The following MTHFD2L variants were observed in gnomAD, a reference collection of about 807,000 sequenced individuals.
MTHFD2L encodes the protein bifunctional methylenetetrahydrofolate dehydrogenase/cyclohydrolase 2, mitochondrial.
Under a neutral mutation model 34.9 loss-of-function variants are expected in MTHFD2L, and 29 were observed. That is an observed-to-expected ratio of 0.83 (90% CI 0.62 to 1.13). The LOEUF (loss-of-function observed/expected upper bound fraction) is 1.13, where lower values mean the gene tolerates loss of function less well. MTHFD2L is among the 50% of genes most tolerant of loss of function. The pLI, the probability that MTHFD2L is intolerant of heterozygous loss-of-function variation, is 0.00. For synonymous variants in MTHFD2L, 167 were observed against 155.7 expected (o/e 1.07, Z -0.54); for missense variants, 481 against 446.5 (o/e 1.08, Z -0.70).
At chr4:74,166,586 T>C (rs1726755752) in intron 1 of MTHFD2L, among the ~76,000 whole-genome samples, 1 of 152,244 alleles carries the variant, frequency 6.6e-6, no homozygotes, top group Non-Finnish European at 1.5e-5. Flanking sequence ...GTTTGTTGAA[T>C]ATGTTGATTA....
At chr4:74,214,939 C>T (rs1052110649) in intron 5 of MTHFD2L, among the ~76,000 whole-genome samples, 1 of 151,804 alleles carries the variant, frequency 6.6e-6, no homozygotes, top group Non-Finnish European at 1.5e-5. Context: ...AGTCTGGCTA[C>T]AGCAGCTTTG....
chr4:74,262,140 A>G (rs971876759), intron 6 of MTHFD2L, among the ~76,000 whole-genome samples: 43 of 151,960 alleles, frequency 2.8e-4, no homozygotes, highest in African/African-American at 9.9e-4. Context: ...ACTGGGGAAA[A>G]ACTAAATACT....
intron 3 of MTHFD2L, among the ~76,000 whole-genome samples, chr4:74,177,636 G>C (rs780352783): frequency 1.4e-4 from 22 of 151,870 alleles, no homozygotes; most frequent in Non-Finnish European, 2.9e-4. Flanking sequence ...AGGAACCCTT[G>C]CTCACTGCTG....
At chr4:74,165,193 A>C (rs768985276) in intron 1 of MTHFD2L, 11 of 159,932 alleles carry the variant, frequency 6.9e-5, no homozygotes, top group Non-Finnish European at 1.3e-4. Flanking sequence ...ACATTTTAAA[A>C]GATAATTTAT....
chr4:74,236,779 T>C (rs962394095), intron 6 of MTHFD2L, among the ~76,000 whole-genome samples: 8 of 152,266 alleles, frequency 5.3e-5, no homozygotes, highest in African/African-American at 1.9e-4. Flanking sequence ...TTTTTGGATA[T>C]GTCCCATGAA....
intron 1 of MTHFD2L, among the ~76,000 whole-genome samples, chr4:74,138,929 T>G (rs945126508): frequency 1.3e-5 from 2 of 152,192 alleles, no homozygotes; most frequent in Admixed American, 6.5e-5. Context: ...GCCTAATTTG[T>G]ATTTTAGTGA....
At chr4:74,263,780 T>G (rs1744968299) in intron 6 of MTHFD2L, among the ~76,000 whole-genome samples, 1 of 151,984 alleles carries the variant, frequency 6.6e-6, no homozygotes, top group South Asian at 2.1e-4. Context: ...CAAACAGGGA[T>G]AGTTTGACTT....
chr4:74,280,793 T>A (rs1747355337), intron 6 of MTHFD2L, among the ~76,000 whole-genome samples: 1 of 151,894 alleles, frequency 6.6e-6, no homozygotes, highest in South Asian at 2.1e-4. Flanking sequence ...CATGACACCT[T>A]TCAGAATCAT....
rs923036705 is a variant in MTHFD2L, at chr4:74,192,287, A to G, written c.452-7507A>G. On this transcript the variant is annotated intron_variant, in intron 3 of 7. Coordinates refer to ENST00000325278, the MANE Select transcript of MTHFD2L (RefSeq NM_001144978.3). ...ATTGTTATAAAAAATTCAAACATAC[A>G]GGAAAACTAAAAGACTGGTACAATG... Among the ~76,000 whole-genome samples, 4 of 152,272 alleles carry G rather than the reference A, an allele frequency of 2.6e-5. No individual in the cohort carries two copies. In the South Asian group the frequency reaches 8.3e-4, roughly 32 times the overall value.
chr4:74,239,615 A>G (rs907911861), intron 6 of MTHFD2L, among the ~76,000 whole-genome samples: 3 of 152,182 alleles, frequency 2.0e-5, no homozygotes, highest in Non-Finnish European at 4.4e-5. Context: ...GTGAGAATTA[A>G]CGAGTACTGT....
At chr4:74,201,101 T>C (rs948266683) in intron 4 of MTHFD2L, among the ~76,000 whole-genome samples, 162 bp from the exon 5 acceptor site, 2 of 152,216 alleles carry the variant, frequency 1.3e-5, no homozygotes, top group African/African-American at 4.8e-5. Context: ...AAGCATAAAA[T>C]GAATTATTTA....
intron 1 of MTHFD2L, among the ~76,000 whole-genome samples, chr4:74,138,810 G>T (rs564969318): frequency 2.8e-4 from 42 of 152,188 alleles, no homozygotes; most frequent in Non-Finnish European, 5.4e-4. Flanking sequence ...GGGACCCAAA[G>T]CGGGTTGCCG....
intron 5 of MTHFD2L, among the ~76,000 whole-genome samples, chr4:74,219,529 A>G (rs980310120): frequency 3.3e-5 from 5 of 152,270 alleles, no homozygotes; most frequent in Middle Eastern, 6.8e-3. Flanking sequence ...TTAGTTGAAG[A>G]CAATTAATGG....
chr4:74,206,473 G>A (rs963272531), intron 5 of MTHFD2L, among the ~76,000 whole-genome samples: 1 of 152,100 alleles, frequency 6.6e-6, no homozygotes, highest in Non-Finnish European at 1.5e-5. Context: ...TTAGATACTA[G>A]CATACGGTTA....
intron 5 of MTHFD2L, among the ~76,000 whole-genome samples, chr4:74,202,422 A>C (rs1250951048): frequency 6.6e-6 from 1 of 152,188 alleles, no homozygotes; most frequent in African/African-American, 2.4e-5. Flanking sequence ...CAGACCTTCC[A>C]ACAAGGTTTG....
chr4:74,254,149 A>G (rs1743683789), intron 6 of MTHFD2L, among the ~76,000 whole-genome samples: 1 of 152,112 alleles, frequency 6.6e-6, no homozygotes. Context: ...TTAACAGACA[A>G]CTTCTAAAAT....
intron 3 of MTHFD2L, among the ~76,000 whole-genome samples, chr4:74,191,717 A>G (rs1351446528): frequency 1.3e-5 from 2 of 151,442 alleles, no homozygotes; most frequent in Admixed American, 6.6e-5. Context: ...CGCCCAGGTA[A>G]TTTTTTGTAT....
chr4:74,162,519 T>C (rs1195368139), intron 1 of MTHFD2L, among the ~76,000 whole-genome samples: 1 of 151,826 alleles, frequency 6.6e-6, no homozygotes, highest in Non-Finnish European at 1.5e-5. Flanking sequence ...TTTTTTTTTT[T>C]TTTTTTGCTG....
chr4:74,205,680 C>CAAGG (rs1735177367), intron 5 of MTHFD2L, among the ~76,000 whole-genome samples: 1 of 152,008 alleles, frequency 6.6e-6, no homozygotes, highest in Non-Finnish European at 1.5e-5. Context: ...CTCAATACAA[C>CAAGG]AAGGAAGCAA....
Sources: allele counts gnomAD v4.1 joint callset (sites outside exome capture counted in the v4.1 genomes callset), GRCh38; gene constraint gnomAD v4.1.1; transcripts MANE v1.5; gene names NCBI Gene and HGNC (gene_info 2026-07-23, HGNC 2026-07-21).